Variants in TCERG1 observed in about 807,000 individuals in gnomAD.
TCERG1 encodes TATA box binding protein (TBP)-associated factor, RNA polymerase II, S, 150kD.
In TCERG1, 37 loss-of-function variants were observed where a neutral mutation model predicts 144.7. The observed-to-expected ratio is 0.26, with a 90% confidence interval of 0.20 to 0.34. The LOEUF is 0.34. TCERG1 is among the 10% of genes least tolerant of loss of function. TCERG1 has a pLI of 1.00. For missense variants in TCERG1, 1,027 were observed against 1,380.7 expected (o/e 0.74, Z 4.06); for synonymous variants, 492 against 458.2 (o/e 1.07, Z -0.94).
At chr5:146,479,802 T>C in intron 10 of TCERG1, 53 bp from the exon 11 acceptor site, 1 of 1,588,488 alleles carries the variant, frequency 6.3e-7, no homozygotes, top group East Asian at 2.3e-5. Flanking sequence ...AAAGAAAAGT[T>C]TGTGAAATAT....
intron 17 of TCERG1, chr5:146,499,459 A>C (rs1259963936): frequency 6.6e-6 from 1 of 152,256 alleles, no homozygotes; most frequent in Admixed American, 6.5e-5. Flanking sequence ...TAACAGTATT[A>C]GCTAAAACAG....
chr5:146,510,663 G>T lies in TCERG1; in HGVS notation c.*21G>T, dbSNP rs376704721. Reference sequence around the variant, plus strand: ...AATAATTCTAAATACTCTTCCATAGGGGCATCTATTCAAAATGCTTGCATG... The same window carrying T: ...AATAATTCTAAATACTCTTCCATAGTGGCATCTATTCAAAATGCTTGCATG... On this transcript the variant is annotated 3_prime_UTR_variant, in exon 23 of 23. Transcript: ENST00000679501. 3.1e-6 allele frequency: 5 copies of T among 1,599,916 alleles called. No homozygotes were observed. The highest frequency in any genetic ancestry group is 4.3e-6 in the Non-Finnish European group (5 of 1,172,550).
At chr5:146,454,561 T>C (rs1762657243) in intron 1 of TCERG1, among the ~76,000 whole-genome samples, 1 of 151,798 alleles carries the variant, frequency 6.6e-6, no homozygotes, top group Admixed American at 6.6e-5. Context: ...GATCATCCAT[T>C]GATGTAAGTT....
chr5:146,459,285 C>G lies in TCERG1; in HGVS notation c.840C>G (p.Ser280=). The G allele has an allele frequency of 1.2e-6, 2 of 1,614,268 alleles. No homozygotes were observed. Among genetic ancestry groups the G allele is most frequent in the Non-Finnish European group, 1.7e-6 (2 of 1,180,046 alleles). ...CTTCAACATCATCATCCACCCCTTC[C>G]TCTACCACTTCTACCACAACAACTG... ...VSTSTSSSTP[S]STTSTTTTAT... The change falls in exon 4 of 23, where the codon TCC becomes TCG. Residue 280 remains serine (S), a synonymous_variant. Transcript: ENST00000679501.
intron 22 of TCERG1, 44 bp downstream of exon 22, chr5:146,509,289 C>A: frequency 8.1e-7 from 1 of 1,239,900 alleles, no homozygotes; most frequent in Non-Finnish European, 1.2e-6. Context: ...ATTCTCTTTA[C>A]TAGTCTTTAC....
intron 16 of TCERG1, 147 bp downstream of exon 16, chr5:146,493,185 C>A: frequency 1.7e-6 from 1 of 584,154 alleles, no homozygotes; most frequent in Non-Finnish European, 2.9e-6. Context: ...AATTTCTAAT[C>A]TTTATTTTTT....
intron 15 of TCERG1, among the ~76,000 whole-genome samples, chr5:146,485,597 G>T (rs1765749647): frequency 1.3e-5 from 2 of 152,288 alleles, no homozygotes; most frequent in South Asian, 4.1e-4. Context: ...CTCCTTAATA[G>T]AATTACGTTT....
At chr5:146,455,006 A>T in intron 1 of TCERG1, 50 bp from the exon 2 acceptor site, 1 of 1,594,586 alleles carries the variant, frequency 6.3e-7, no homozygotes, top group Non-Finnish European at 8.6e-7. Flanking sequence ...CAGTAGCTAC[A>T]TTTTTGTAAT....
intron 22 of TCERG1, among the ~76,000 whole-genome samples, chr5:146,509,685 T>C (rs955017194): frequency 6.6e-6 from 1 of 152,226 alleles, no homozygotes; most frequent in Middle Eastern, 3.4e-3. Context: ...CATTTTTTTT[T>C]CCCTCAGAGG....
In TCERG1 at chr5:146,507,975, G is replaced by C. The variant is rs770022691; in HGVS notation, c.3045+19G>C. The C allele has an allele frequency of 1.1e-5, 17 of 1,566,256 alleles. No homozygotes were observed. Among genetic ancestry groups the C allele is most frequent in the Middle Eastern group, 1.7e-4 (1 of 5,962 alleles). On this transcript the variant is annotated intron_variant, in intron 21 of 22. Transcript: ENST00000679501. The surrounding 1 kb of genome is among the most constrained non-coding windows in gnomAD (Gnocchi z 4.6). The stretch of plus-strand genomic sequence containing the variant: ...TGACAGGGTAAGAGGATTTTGTGTC[G>C]AGATTTACTGTCAGTCTATAAATAC...
chr5:146,451,736 TATA>T (rs1242050131), intron 1 of TCERG1, among the ~76,000 whole-genome samples: 4 of 1,024 alleles, frequency 3.9e-3, no homozygotes, highest in African/African-American at 9.5e-3. Context: ...CAGTCCTGGT[TATA>T]CCAGGACTGT....
chr5:146,465,725 G>A (rs1382097467), intron 5 of TCERG1, among the ~76,000 whole-genome samples: 1 of 152,086 alleles, frequency 6.6e-6, no homozygotes, highest in African/African-American at 2.4e-5. Flanking sequence ...TGGAGAGAGT[G>A]AGTGTCATAC....
intron 1 of TCERG1, among the ~76,000 whole-genome samples, chr5:146,451,350 T>A (rs1342815338): frequency 6.6e-6 from 1 of 150,954 alleles, no homozygotes; most frequent in Non-Finnish European, 1.5e-5. Flanking sequence ...TAAGACAATG[T>A]CTTGCTCTGT....
intron 1 of TCERG1, among the ~76,000 whole-genome samples, chr5:146,449,229 A>G (rs1184148072): frequency 6.6e-6 from 1 of 152,186 alleles, no homozygotes; most frequent in Admixed American, 6.5e-5. Context: ...TTCTGTAGTT[A>G]TGTTGTAAAT....
intron 14 of TCERG1, 23 bp from the exon 15 acceptor site, chr5:146,483,517 G>C: frequency 6.3e-7 from 1 of 1,598,346 alleles, no homozygotes; most frequent in Non-Finnish European, 8.5e-7. Context: ...TTAATTATGA[G>C]GCAATACGTT....
At chr5:146,502,601 T>A (rs2150865764) in intron 17 of TCERG1, among the ~76,000 whole-genome samples, 1 of 152,348 alleles carries the variant, frequency 6.6e-6, no homozygotes, top group Non-Finnish European at 1.5e-5. Flanking sequence ...TTAATACCTT[T>A]GGTATAATGT....
intron 12 of TCERG1, chr5:146,480,401 C>A (rs545112759): frequency 5.1e-6 from 1 of 197,652 alleles, no homozygotes; most frequent in South Asian, 9.0e-5. Flanking sequence ...CTCATTTAGA[C>A]CCCAATGGAT....
At chr5:146,454,375 C>T (rs1389087915) in intron 1 of TCERG1, among the ~76,000 whole-genome samples, 3 of 151,768 alleles carry the variant, frequency 2.0e-5, no homozygotes, top group Non-Finnish European at 4.4e-5. Context: ...GTTTTGATCA[C>T]GGGGTCAAGG....
chr5:146,511,277 C>T lies in TCERG1; in HGVS notation c.*635C>T, dbSNP rs572353155. The T allele has an allele frequency of 1.3e-5, 2 of 152,702 alleles. No homozygotes were observed. Among genetic ancestry groups the T allele is most frequent in the African/African-American group, 2.4e-5 (1 of 41,550 alleles). 9.5% of individuals were successfully genotyped at this position (152,702 alleles called of 1,614,324 possible). A position where few individuals can be genotyped will look rare whatever the true frequency, so the allele number is the denominator to read the frequency against. Reference sequence around the variant, plus strand: ...TAATTTCTTCTCAGGTATGGAACCACGGTCATAACTAACATGTTGGCCAGA... The same window carrying T: ...TAATTTCTTCTCAGGTATGGAACCATGGTCATAACTAACATGTTGGCCAGA... On this transcript the variant is annotated 3_prime_UTR_variant, in exon 23 of 23. Transcript: ENST00000679501.
Sources: allele counts gnomAD v4.1 joint callset (sites outside exome capture counted in the v4.1 genomes callset), GRCh38; gene constraint gnomAD v4.1.1; non-coding constraint Gnocchi (gnomAD v3.1); transcripts MANE v1.5; gene names NCBI Gene and HGNC (gene_info 2026-07-23, HGNC 2026-07-21).